GRID2: variants seen among roughly 807,000 people sequenced by gnomAD.
GRID2 encodes glutamate ionotropic receptor delta type subunit 2.
In GRID2, 33 loss-of-function variants were observed where a neutral mutation model predicts 114.8. That is an observed-to-expected ratio of 0.29 (90% confidence interval 0.22 to 0.38). The LOEUF (loss-of-function observed/expected upper bound fraction) is 0.38, where lower values mean the gene tolerates loss of function less well. Ranked by LOEUF, GRID2 falls within the 10% of genes least tolerant of loss-of-function variation. The pLI is 1.00. For missense variants in GRID2, 1,184 were observed against 1,257.7 expected, an observed-to-expected ratio of 0.94 and a Z score of 0.89; for synonymous variants, 505 against 449.9, an observed-to-expected ratio of 1.12 and a Z score of -1.55.
At chr4:92,314,070 G>A (rs1025006276) in intron 1 of GRID2, among the ~76,000 whole-genome samples, 6 of 151,918 alleles carry the variant, frequency 3.9e-5, no homozygotes, top group East Asian at 1.9e-4. Context: ...GATAGAAAAC[G>A]TTCAAATAGA....
intron 8 of GRID2, among the ~76,000 whole-genome samples, chr4:93,384,354 T>C (rs1481733032): frequency 6.6e-6 from 1 of 152,152 alleles, no homozygotes. Flanking sequence ...TCTGTGGCCA[T>C]CTTGCAGGCA....
intron 1 of GRID2, among the ~76,000 whole-genome samples, chr4:92,345,955 C>T (rs1047993996): frequency 2.6e-5 from 4 of 152,184 alleles, no homozygotes; most frequent in Non-Finnish European, 5.9e-5. Flanking sequence ...TAATAATTTA[C>T]AGGTAATAGA....
intron 2 of GRID2, among the ~76,000 whole-genome samples, chr4:92,919,985 A>T (rs1749171319): frequency 6.6e-6 from 1 of 152,048 alleles, no homozygotes; most frequent in South Asian, 2.1e-4. Context: ...TGGGAGTGTA[A>T]GTCTCTTTGT....
intron 2 of GRID2, among the ~76,000 whole-genome samples, chr4:92,840,949 T>A (rs1261928551): frequency 6.6e-6 from 1 of 152,058 alleles, no homozygotes; most frequent in African/African-American, 2.4e-5. Flanking sequence ...TCAGATTCTT[T>A]TCTTCTTAAT....
At chr4:92,691,495 T>C (rs1316775927) in intron 2 of GRID2, among the ~76,000 whole-genome samples, 2 of 152,164 alleles carry the variant, frequency 1.3e-5, no homozygotes, top group Admixed American at 1.3e-4. Context: ...AGCGATGGCA[T>C]TGGTCAGATG....
At chr4:92,758,455 C>G (rs189029911) in intron 2 of GRID2, among the ~76,000 whole-genome samples, 7 of 152,086 alleles carry the variant, frequency 4.6e-5, no homozygotes, top group Admixed American at 4.6e-4. Flanking sequence ...TCCTCATAGT[C>G]TAGTGATTAG....
At chr4:92,710,128 AG>A (rs941302028) in intron 2 of GRID2, among the ~76,000 whole-genome samples, 3 of 152,122 alleles carry the variant, frequency 2.0e-5, no homozygotes, top group Non-Finnish European at 4.4e-5. Context: ...TGCCTTTGAT[AG>A]GAAAAAAAAC....
chr4:93,203,889 G>C (rs1384589655), intron 4 of GRID2: 1 of 152,130 alleles, frequency 6.6e-6, no homozygotes, highest in Non-Finnish European at 1.5e-5. Flanking sequence ...GGTTTTATGA[G>C]TCAGGTTTGA....
chr4:92,620,796 G>A lies in GRID2; in HGVS notation c.244+30510G>A, dbSNP rs1037268358. ...ATCACACACCGGGGACTGTTGTGGG[G>A]TGGGGGGAGTGGGGAGGGATAGCAT... On this transcript the variant is annotated intron_variant, in intron 2 of 15. Coordinates refer to ENST00000282020, the MANE Select transcript of GRID2 (RefSeq NM_001510.4). 2.6e-5 allele frequency among the ~76,000 whole-genome samples: 4 copies of A among 151,056 alleles called. No homozygotes were observed. In the East Asian group the frequency reaches 7.9e-4, roughly 30 times the overall value.
chr4:92,698,876 CA>C, intron 2 of GRID2, among the ~76,000 whole-genome samples: 1 of 152,156 alleles, frequency 6.6e-6, no homozygotes, highest in East Asian at 1.9e-4. Flanking sequence ...ATTGCATTAA[CA>C]AAAACTACGT....
At chr4:92,825,721 C>T (rs1560617683) in intron 2 of GRID2, among the ~76,000 whole-genome samples, 1 of 152,022 alleles carries the variant, frequency 6.6e-6, no homozygotes, top group Admixed American at 6.6e-5. Context: ...ACCATGTTGT[C>T]AAAATAGCAT....
intron 13 of GRID2, among the ~76,000 whole-genome samples, chr4:93,593,173 G>T (rs1418501730): frequency 6.6e-6 from 1 of 150,476 alleles, no homozygotes; most frequent in East Asian, 1.9e-4. Context: ...ATTTTGGCAT[G>T]ATTTTGCAGC....
intron 8 of GRID2, among the ~76,000 whole-genome samples, chr4:93,255,489 C>T (rs577080119): frequency 6.6e-6 from 1 of 152,050 alleles, no homozygotes; most frequent in Non-Finnish European, 1.5e-5. Context: ...TTTGTCCCCA[C>T]AAAAACTCAT....
At chr4:92,832,671 A>T (rs1478888239) in intron 2 of GRID2, among the ~76,000 whole-genome samples, 2 of 151,576 alleles carry the variant, frequency 1.3e-5, no homozygotes, top group South Asian at 4.2e-4. Context: ...TGGGATCACA[A>T]GGGTGAAGCA....
chr4:92,615,486 T>C (rs1560491026), intron 2 of GRID2, among the ~76,000 whole-genome samples: 1 of 151,688 alleles, frequency 6.6e-6, no homozygotes, highest in South Asian at 2.1e-4. Context: ...TTCATCGTTA[T>C]ACCATCCACC....
intron 1 of GRID2, among the ~76,000 whole-genome samples, chr4:92,420,909 T>C (rs1579330603): frequency 6.6e-6 from 1 of 152,108 alleles, no homozygotes. Flanking sequence ...GATCTCAAAC[T>C]CCTAGCCTCA....
Position 93,249,900 on chromosome 4 carries a change from G to A in GRID2, c.1245+11410G>A, listed in dbSNP as rs191797648. Among the ~76,000 whole-genome samples, 323 of 152,252 alleles carry A rather than the reference G, an allele frequency of 2.1e-3. 2 individuals carry two copies. Among genetic ancestry groups the A allele is most frequent in the African/African-American group, 7.6e-3 (314 of 41,568 alleles). ...GAATGCTTTTACACTGTTGGTGGGA[G>A]TGTAAATTAGTTCAACCATTCTGGA... On this transcript the variant is annotated intron_variant, in intron 8 of 15. Transcript: ENST00000282020.
chr4:92,615,355 A>G (rs1355502177), intron 2 of GRID2, among the ~76,000 whole-genome samples: 1 of 151,548 alleles, frequency 6.6e-6, no homozygotes, highest in Non-Finnish European at 1.5e-5. Flanking sequence ...GAAAGACACC[A>G]TCTTCAAAAA....
chr4:93,554,803 G>A (rs183781464), intron 13 of GRID2, among the ~76,000 whole-genome samples: 2 of 152,216 alleles, frequency 1.3e-5, no homozygotes, highest in African/African-American at 4.8e-5. Context: ...TACCTGAGAC[G>A]GGAGGTGGCT....
Sources: allele counts gnomAD v4.1 joint callset (sites outside exome capture counted in the v4.1 genomes callset), GRCh38; gene constraint gnomAD v4.1.1; transcripts MANE v1.5; gene names NCBI Gene and HGNC (gene_info 2026-07-23, HGNC 2026-07-21).